Variants in ZNF423 observed in about 807,000 individuals in gnomAD.
ZNF423 encodes zinc finger protein 423, also known as Ebf-associated zinc finger protein.
A neutral mutation model predicts 95.8 loss-of-function variants in ZNF423; 12 were observed. The observed-to-expected ratio is 0.13, with a 90% CI of 0.08 to 0.20. ZNF423 has a LOEUF of 0.20. Ranked by LOEUF, ZNF423 falls within the 10% of genes least tolerant of loss-of-function variation. ZNF423 has a pLI of 1.00. For missense variants in ZNF423, 1,316 were observed against 1,737.1 expected, an observed-to-expected ratio of 0.76 and a Z score of 4.31; for synonymous variants, 749 against 711.9, an observed-to-expected ratio of 1.05 and a Z score of -0.83.
chr16:49,578,157 T>A lies in ZNF423; in HGVS notation c.3601+48013A>T, dbSNP rs1970556364. The stretch of plus-strand genomic sequence containing the variant: ...CAAATGGCACCAGTCCCAGTAAACA[T>A]CCCCCAAGACAGGACGGGAATCTGA... On this transcript the variant is annotated intron_variant, in intron 5 of 7. Transcript: ENST00000563137. 2.6e-5 allele frequency among the ~76,000 whole-genome samples: 4 copies of A among 152,040 alleles called. No individual in the cohort carries two copies. In the South Asian group the frequency reaches 8.3e-4, roughly 32 times the overall value.
chr16:49,773,807 C>A (rs370351536), intron 2 of ZNF423, among the ~76,000 whole-genome samples: 3 of 152,154 alleles, frequency 2.0e-5, no homozygotes, highest in African/African-American at 7.2e-5. Flanking sequence ...GGTCAAAGTG[C>A]GCCCGCAAGG....
At chr16:49,747,638 T>C (rs1424400450) in intron 2 of ZNF423, among the ~76,000 whole-genome samples, 1 of 136,964 alleles carries the variant, frequency 7.3e-6, no homozygotes, top group African/African-American at 2.9e-5. Context: ...CTCTTCTGTT[T>C]ATCTGAGATA....
At chr16:49,825,717 G>A (rs959986426) in intron 1 of ZNF423, among the ~76,000 whole-genome samples, 11 of 152,166 alleles carry the variant, frequency 7.2e-5, no homozygotes, top group African/African-American at 2.4e-4. Flanking sequence ...CCGGAAACTT[G>A]AGACCAGGGG....
At chr16:49,844,632 A>G (rs904425156) in intron 1 of ZNF423, among the ~76,000 whole-genome samples, 1 of 152,192 alleles carries the variant, frequency 6.6e-6, no homozygotes, top group Non-Finnish European at 1.5e-5. Context: ...CCATTTACTC[A>G]TCGAGTCATT....
chr16:49,612,327 A>G (rs1439061905), intron 5 of ZNF423, among the ~76,000 whole-genome samples: 1 of 151,760 alleles, frequency 6.6e-6, no homozygotes, highest in African/African-American at 2.4e-5. Context: ...TGCAAGGCTT[A>G]CTCAATATTT....
Position 49,813,265 on chromosome 16 carries a change from C to T in ZNF423, c.41-23719G>A, listed in dbSNP as rs905173843. 3.3e-5 allele frequency among the ~76,000 whole-genome samples: 5 copies of T among 151,510 alleles called. No homozygotes were observed. In the South Asian group the frequency reaches 6.3e-4, roughly 19 times the overall value. The stretch of plus-strand genomic sequence containing the variant: ...AGCCCAGAGCTGGCCTAACAGGCAA[C>T]GGCGCACTTCACCCCCAGCCCACCC... On this transcript the variant is annotated intron_variant, in intron 1 of 7. Transcript: ENST00000563137.
At position 49,521,550 on chromosome 16, in the gene ZNF423, GTGGATCAA is replaced by G. The variant is rs1489629151; in HGVS notation, c.3849+2066_3849+2073del. The stretch of plus-strand genomic sequence containing the variant: ...AAGCACAGAGACATCAGCTCAGTTT[GTGGATCAA>G]TGGGGAGACAGCAGTGGCATGGTAA... On this transcript the variant is annotated intron_variant, in intron 7 of 7. Transcript: ENST00000563137. Among the ~76,000 whole-genome samples, 4 of 152,218 alleles carry G rather than the reference GTGGATCAA, an allele frequency of 2.6e-5. No homozygotes were observed. In the East Asian group the frequency reaches 7.7e-4, roughly 29 times the overall value.
chr16:49,740,507 C>T (rs1026507502), intron 2 of ZNF423, among the ~76,000 whole-genome samples: 2 of 152,198 alleles, frequency 1.3e-5, no homozygotes, highest in South Asian at 2.1e-4. Flanking sequence ...GTGCAGGCAG[C>T]GGGGTAACAT....
chr16:49,828,948 C>G (rs2035034295), intron 1 of ZNF423, among the ~76,000 whole-genome samples: 1 of 152,236 alleles, frequency 6.6e-6, no homozygotes, highest in African/African-American at 2.4e-5. Context: ...CCTGGTTCCA[C>G]TCGCCTCCTG....
intron 1 of ZNF423, among the ~76,000 whole-genome samples, chr16:49,848,470 C>T (rs2144117338): frequency 6.6e-6 from 1 of 152,276 alleles, no homozygotes; most frequent in East Asian, 1.9e-4. Flanking sequence ...TGGGTTCTCC[C>T]TCCAAAACAA....
intron 2 of ZNF423, among the ~76,000 whole-genome samples, chr16:49,752,906 G>A (rs1291052295): frequency 6.6e-6 from 1 of 152,232 alleles, no homozygotes; most frequent in Non-Finnish European, 1.5e-5. Flanking sequence ...GAACACAGCA[G>A]TCAACCGCAG....
chr16:49,819,592 G>A (rs1418492310), intron 1 of ZNF423, among the ~76,000 whole-genome samples: 1 of 152,020 alleles, frequency 6.6e-6, no homozygotes. Flanking sequence ...GGGATTACAG[G>A]CACCCACCAC....
chr16:49,500,282 G>T (rs558687443), intron 7 of ZNF423, among the ~76,000 whole-genome samples: 61 of 152,276 alleles, frequency 4.0e-4, no homozygotes, highest in Non-Finnish European at 8.1e-4. Flanking sequence ...GCAGATTCAG[G>T]ACTGAAAATC....
In ZNF423 at chr16:49,600,656, G is replaced by C. The variant is rs569040837; in HGVS notation, c.3601+25514C>G. ...CATGGCCTCCCCTCTCTCGTGGGGAGCAGGAAGGAGCCGGCCGACGTTTAT... is the reference window on the plus strand; with the variant it reads ...CATGGCCTCCCCTCTCTCGTGGGGACCAGGAAGGAGCCGGCCGACGTTTAT... On this transcript the variant is annotated intron_variant, in intron 5 of 7. Coordinates refer to ENST00000563137, the MANE Select transcript of ZNF423 (RefSeq NM_001379286.1). 2.6e-5 allele frequency among the ~76,000 whole-genome samples: 4 copies of C among 152,242 alleles called. No homozygotes were observed. In the East Asian group the frequency reaches 7.8e-4, roughly 30 times the overall value.
At chr16:49,798,032 A>T (rs974028593) in intron 1 of ZNF423, among the ~76,000 whole-genome samples, 1 of 152,204 alleles carries the variant, frequency 6.6e-6, no homozygotes, top group Admixed American at 6.5e-5. Context: ...CAACATAGCA[A>T]GATACTATCT....
At chr16:49,701,059 A>G (rs1050359271) in intron 3 of ZNF423, among the ~76,000 whole-genome samples, 3 of 152,216 alleles carry the variant, frequency 2.0e-5, no homozygotes, top group Non-Finnish European at 4.4e-5. Context: ...TGTAATAGAA[A>G]TAGAGAGGCC....
At chr16:49,782,852 G>A (rs1192908206) in intron 2 of ZNF423, among the ~76,000 whole-genome samples, 1 of 151,918 alleles carries the variant, frequency 6.6e-6, no homozygotes, top group Non-Finnish European at 1.5e-5. Context: ...CGCTAAGCAT[G>A]GTGGTACATG....
intron 3 of ZNF423, among the ~76,000 whole-genome samples, chr16:49,674,164 A>G (rs967795715): frequency 6.6e-6 from 1 of 152,204 alleles, no homozygotes; most frequent in African/African-American, 2.4e-5. Context: ...ACTTTTTTAA[A>G]CCTATATGAA....
At chr16:49,544,873 G>A (rs1242857589) in intron 5 of ZNF423, among the ~76,000 whole-genome samples, 1 of 152,262 alleles carries the variant, frequency 6.6e-6, no homozygotes, top group African/African-American at 2.4e-5. Flanking sequence ...CCAAGCGCAG[G>A]GTGCAGCATT....
Sources: gnomAD v4.1 joint callset for allele counts (sites outside exome capture counted in the v4.1 genomes callset) on GRCh38, gnomAD v4.1.1 for gene constraint, MANE v1.5 for transcripts, NCBI Gene and HGNC (gene_info 2026-07-23, HGNC 2026-07-21) for gene names.